Variants in OTULIN observed in about 807,000 individuals in gnomAD.
The protein encoded by OTULIN is ubiquitin thioesterase otulin.
A neutral mutation model predicts 39.6 loss-of-function variants in OTULIN; 15 were observed. That is an observed-to-expected ratio of 0.38 (90% CI 0.25 to 0.58). The LOEUF is 0.58. Ranked by LOEUF, OTULIN falls within the 20% of genes least tolerant of loss-of-function variation. The pLI, the probability that OTULIN is intolerant of heterozygous loss-of-function variation, is 0.66. For synonymous variants in OTULIN, 156 were observed against 170.3 expected (o/e 0.92, Z 0.65); for missense variants, 319 against 445.9 (o/e 0.72, Z 2.56).
At chr5:14,672,794 C>G (rs952357660) in intron 1 of OTULIN, among the ~76,000 whole-genome samples, 1 of 152,200 alleles carries the variant, frequency 6.6e-6, no homozygotes, top group Non-Finnish European at 1.5e-5. Flanking sequence ...TCATTTACCA[C>G]TCCATCTGCT....
intron 1 of OTULIN, among the ~76,000 whole-genome samples, chr5:14,667,800 G>A (rs1735888450): frequency 6.6e-6 from 1 of 152,176 alleles, no homozygotes; most frequent in African/African-American, 2.4e-5. Context: ...AAGTCCTAAG[G>A]ATGGCTTGAA....
intron 3 of OTULIN, 51 bp downstream of exon 3, chr5:14,678,826 AGTT>A: frequency 8.0e-7 from 1 of 1,246,272 alleles, no homozygotes; most frequent in Admixed American, 2.3e-5. Context: ...GTCTATCATA[AGTT>A]GTTTAATATG....
At chr5:14,713,407 GAC>G in the OTULIN span, 402 of 1,301,176 alleles carry the variant, frequency 3.1e-4, no homozygotes, top group African/African-American at 5.0e-3. This position sits in a 1 kb window ranked among gnomAD's most constrained non-coding sequence, Gnocchi z 4.4. Flanking sequence ...TGCCTGGGCA[GAC>G]ACACAAAACA....
chr5:14,673,313 C>G (rs533701850), intron 1 of OTULIN, among the ~76,000 whole-genome samples: 1 of 152,292 alleles, frequency 6.6e-6, no homozygotes, highest in African/African-American at 2.4e-5. Context: ...AGGAGCTTCA[C>G]TAATAAGATG....
chr5:14,678,457 G>C (rs1736160624), intron 2 of OTULIN, among the ~76,000 whole-genome samples: 2 of 152,194 alleles, frequency 1.3e-5, no homozygotes, highest in Non-Finnish European at 1.5e-5. Flanking sequence ...TGTGGATAAT[G>C]GTCTGGAGAG....
chr5:14,714,309 C>T, the OTULIN span, among the ~76,000 whole-genome samples: 2 of 152,332 alleles, frequency 1.3e-5, no homozygotes, highest in South Asian at 2.1e-4. Flanking sequence ...GATCTCTGAG[C>T]TGCAGGAGGG....
rs1036192871 is a variant in OTULIN at position 14,695,918 on chromosome 5, G to C, written c.*2870G>C. 3 of 150,966 alleles carry C rather than the reference G, an allele frequency of 2.0e-5. No individual in the cohort carries two copies. The highest frequency in any genetic ancestry group is 7.3e-5 in the African/African-American group (3 of 41,140). 9.4% of individuals were successfully genotyped at this position (150,966 alleles called of 1,614,324 possible). A position where few individuals can be genotyped will look rare whatever the true frequency, so the allele number is the denominator to read the frequency against. On this transcript the variant is annotated 3_prime_UTR_variant, in exon 7 of 7. Coordinates refer to ENST00000284274, the MANE Select transcript of OTULIN (RefSeq NM_138348.6). ...TCTTTATTTAGCGATTTACACTTTT[G>C]TTACTCTATTATATATTCAGTTAGT...
At position 14,664,873 on chromosome 5, in the gene OTULIN, C is replaced by T. The variant is rs1296519582; in HGVS notation, c.48C>T (p.Ser16=). ...MPQPEAWPGA[S]CAETPAREAA... is the part of the protein sequence containing the mutation. ...AGCCCGAAGCGTGGCCAGGCGCGAG[C>T]TGCGCCGAGACGCCGGCGCGGGAGG... is the stretch of plus-strand genomic sequence containing the variant. Residue 16 remains serine, a synonymous_variant, in exon 1 of 7, where the codon AGC becomes AGT. Coordinates refer to ENST00000284274, the MANE Select transcript of OTULIN (RefSeq NM_138348.6). The T allele has an allele frequency of 1.7e-6, 2 of 1,199,726 alleles. No homozygotes were observed. The highest frequency in any genetic ancestry group is 3.5e-5 in the East Asian group (1 of 28,430). The allele number at this position is 1,199,726 out of a possible 1,614,324, so 74.3% of individuals were successfully genotyped here.
chr5:14,713,772 A>G, the OTULIN span: 1 of 1,514,686 alleles, frequency 6.6e-7, no homozygotes, highest in Non-Finnish European at 9.1e-7. This position sits in a 1 kb window ranked among gnomAD's most constrained non-coding sequence, Gnocchi z 4.4. Context: ...GCTGCCTAGG[A>G]CCCTGGCCTT....
the OTULIN span, chr5:14,711,374 A>G: frequency 3.3e-5 from 47 of 1,417,636 alleles, no homozygotes; most frequent in Non-Finnish European, 4.3e-5. Context: ...CAGAACCACG[A>G]GCAGGGAGAC....
chr5:14,713,422 A>G, the OTULIN span: 1 of 1,401,696 alleles, frequency 7.1e-7, no homozygotes, highest in Non-Finnish European at 9.9e-7. This position sits in a 1 kb window ranked among gnomAD's most constrained non-coding sequence, Gnocchi z 4.4. Context: ...ACAAAACATC[A>G]TTCTGAATTT....
At chr5:14,711,875 G>C in the OTULIN span, among the ~76,000 whole-genome samples, 1 of 151,686 alleles carries the variant, frequency 6.6e-6, no homozygotes, top group South Asian at 2.1e-4. Context: ...CTCAGCCACT[G>C]CTGGGTCACT....
At chr5:14,711,341 C>G in the OTULIN span, 8 of 1,588,252 alleles carry the variant, frequency 5.0e-6, no homozygotes, top group Non-Finnish European at 6.1e-6. Context: ...CAGTGTGGGG[C>G]TGTGGATGGG....
chr5:14,709,851 T>C, the OTULIN span: 1 of 152,606 alleles, frequency 6.6e-6, no homozygotes, highest in African/African-American at 2.4e-5. Context: ...AATGCGAAAA[T>C]AGGAAATGTA....
chr5:14,673,328 C>T (rs1736024194), intron 1 of OTULIN, among the ~76,000 whole-genome samples: 1 of 152,124 alleles, frequency 6.6e-6, no homozygotes, highest in African/African-American at 2.4e-5. Flanking sequence ...AAGATGCATG[C>T]TATGATGTCT....
the OTULIN span, among the ~76,000 whole-genome samples, chr5:14,715,924 C>G: frequency 6.6e-6 from 1 of 152,240 alleles, no homozygotes; most frequent in African/African-American, 2.4e-5. Context: ...CTCAGGTTCC[C>G]CTGGAGTCTT....
intron 4 of OTULIN, among the ~76,000 whole-genome samples, chr5:14,683,260 T>TA (rs959166684): frequency 1.8e-4 from 27 of 151,098 alleles, no homozygotes; most frequent in African/African-American, 3.4e-4. Flanking sequence ...GGGAGTCTAT[T>TA]AAAAAAAAAC....
At chr5:14,669,560 C>G (rs945491046) in intron 1 of OTULIN, among the ~76,000 whole-genome samples, 6 of 152,092 alleles carry the variant, frequency 3.9e-5, no homozygotes, top group Non-Finnish European at 8.8e-5. Flanking sequence ...TCTCTTGAGC[C>G]CAGGACTTTG....
chr5:14,698,310 T>G lies in OTULIN; in HGVS notation c.*5262T>G, dbSNP rs1219239077. On this transcript the variant is annotated 3_prime_UTR_variant, in exon 7 of 7. Coordinates refer to ENST00000284274, the MANE Select transcript of OTULIN (RefSeq NM_138348.6). Reference sequence around the variant, plus strand: ...CCTGGCAGCGCTCATCTTGGCTTGTTTAGCAGTGCCTCTGTTTACACCATA... The same window carrying G: ...CCTGGCAGCGCTCATCTTGGCTTGTGTAGCAGTGCCTCTGTTTACACCATA... 6.6e-6 allele frequency: 1 copy of G among 152,208 alleles called. No individual in the cohort carries two copies. The highest frequency in any genetic ancestry group is 1.5e-5 in the Non-Finnish European group (1 of 68,026). The allele number at this position is 152,208 out of a possible 1,614,324, so 9.4% of individuals were successfully genotyped here.
Sources: allele counts gnomAD v4.1 joint callset (sites outside exome capture counted in the v4.1 genomes callset), GRCh38; gene constraint gnomAD v4.1.1; non-coding constraint Gnocchi (gnomAD v3.1); transcripts MANE v1.5; gene names NCBI Gene and HGNC (gene_info 2026-07-23, HGNC 2026-07-21).